BARD1: variants seen among roughly 807,000 people sequenced by gnomAD.
The protein encoded by BARD1 is BRCA1 associated RING domain 1.
Under a neutral mutation model 77.0 loss-of-function variants are expected in BARD1, and 73 were observed. That is an observed-to-expected ratio of 0.95 (90% CI 0.79 to 1.15). The LOEUF is 1.15. BARD1 is among the 50% of genes most tolerant of loss of function. The pLI, the probability that BARD1 is intolerant of heterozygous loss-of-function variation, is 0.00. For synonymous variants in BARD1, 384 were observed against 338.0 expected, an observed-to-expected ratio of 1.14 and a Z score of -1.49; for missense variants, 993 against 938.8, an observed-to-expected ratio of 1.06 and a Z score of -0.75.
At chr2:214,764,717 G>A (rs758220775) in intron 6 of BARD1, among the ~76,000 whole-genome samples, 1 of 152,162 alleles carries the variant, frequency 6.6e-6, no homozygotes, top group Non-Finnish European at 1.5e-5. Context: ...GGCCAGACTC[G>A]TGTTCTTCTG....
chr2:214,739,650 A>T (rs1342822847), intron 9 of BARD1, among the ~76,000 whole-genome samples: 1 of 152,174 alleles, frequency 6.6e-6, no homozygotes, highest in Admixed American at 6.5e-5. Flanking sequence ...AAACTTCCAT[A>T]GCGAAAAGTG....
At chr2:214,784,157 G>C (rs1574826847) in intron 3 of BARD1, among the ~76,000 whole-genome samples, 2 of 152,008 alleles carry the variant, frequency 1.3e-5, no homozygotes, top group East Asian at 3.9e-4. Flanking sequence ...CTAATATCCA[G>C]AATCTACAAA....
chr2:214,749,945 C>CT (rs1019237363), intron 7 of BARD1, among the ~76,000 whole-genome samples: 8 of 151,958 alleles, frequency 5.3e-5, no homozygotes, highest in Non-Finnish European at 1.0e-4. Flanking sequence ...AGGCTGAAGT[C>CT]TAAAGCAGAA....
At position 214,792,543 on chromosome 2, in the gene BARD1, T is replaced by C. The variant is rs1483360931; in HGVS notation, c.216-98A>G. The stretch of plus-strand genomic sequence containing the variant: ...GAACAGAAATAAATGGAGCAGAGGT[T>C]ATTCTAACATACAATGGTCAATTGT... On this transcript the variant is annotated intron_variant, in intron 2 of 10. Coordinates refer to ENST00000260947, the MANE Select transcript of BARD1 (RefSeq NM_000465.4). 4.3e-6 allele frequency: 5 copies of C among 1,169,660 alleles called. No homozygotes were observed. In the Admixed American group the frequency reaches 8.3e-5, roughly 19 times the overall value. The allele number at this position is 1,169,660 out of a possible 1,614,324, so 72.5% of individuals were successfully genotyped here.
intron 6 of BARD1, among the ~76,000 whole-genome samples, chr2:214,752,793 C>G (rs1027450685): frequency 7.2e-5 from 11 of 152,134 alleles, no homozygotes; most frequent in African/African-American, 2.7e-4. Flanking sequence ...TTTTTCACAA[C>G]TGTATTCTGC....
chr2:214,788,208 C>T (rs559468479), intron 3 of BARD1, among the ~76,000 whole-genome samples: 1 of 151,600 alleles, frequency 6.6e-6, no homozygotes, highest in South Asian at 2.1e-4. Context: ...ATGTCACCAA[C>T]ACCGACATGT....
intron 7 of BARD1, among the ~76,000 whole-genome samples, chr2:214,748,978 G>A (rs1693272910): frequency 6.6e-6 from 1 of 152,246 alleles, no homozygotes; most frequent in Non-Finnish European, 1.5e-5. Flanking sequence ...TATTCTAGTT[G>A]AGAGGGGAAA....
chr2:214,761,857 C>G (rs1693980649), intron 6 of BARD1, among the ~76,000 whole-genome samples: 1 of 152,120 alleles, frequency 6.6e-6, no homozygotes, highest in South Asian at 2.1e-4. Flanking sequence ...AGCCAACTAT[C>G]ATCATTATTG....
At chr2:214,797,593 G>A (rs544808472) in intron 1 of BARD1, among the ~76,000 whole-genome samples, 51 of 152,058 alleles carry the variant, frequency 3.4e-4, no homozygotes, top group Admixed American at 2.9e-3. Flanking sequence ...TAGGATGCTG[G>A]GACAACAGGA....
At chr2:214,798,929 C>T (rs1695885874) in intron 1 of BARD1, among the ~76,000 whole-genome samples, 1 of 152,020 alleles carries the variant, frequency 6.6e-6, no homozygotes, top group African/African-American at 2.4e-5. Flanking sequence ...CTGGCCTGGG[C>T]AACATGGTGA....
Position 214,767,509 on chromosome 2 carries a change from A to T in BARD1, c.1541T>A (p.Leu514His). The T allele has an allele frequency of 6.2e-7, 1 of 1,613,922 alleles. No homozygotes were observed. Among genetic ancestry groups the T allele is most frequent in the Non-Finnish European group, 8.5e-7 (1 of 1,179,808 alleles). ...NGHVDIVKLL[L>H]SYGASRNAVN... is the part of the protein sequence containing the mutation. Reference sequence around the variant, plus strand: ...AGCATTTCTGGAGGCTCCATAGGAAAGTAACAGCTTGACTATATCCACATG... The same window carrying T: ...AGCATTTCTGGAGGCTCCATAGGAATGTAACAGCTTGACTATATCCACATG... Residue 514 changes from leucine (L) to histidine (H), a missense_variant, in exon 6 of 11, where the codon CTT becomes CAT. By Grantham distance (99) the Leu-to-His change is moderately conservative. Coordinates refer to ENST00000260947, the MANE Select transcript of BARD1 (RefSeq NM_000465.4).
intron 4 of BARD1, among the ~76,000 whole-genome samples, chr2:214,770,300 TGTAGCCTTACAA>T (rs2106084023): frequency 6.6e-6 from 1 of 152,364 alleles, no homozygotes; most frequent in African/African-American, 2.4e-5. Flanking sequence ...GCTTCTGTAA[TGTAGCCTTACAA>T]GTCTTTTCTA....
chr2:214,798,943 C>A (rs960301363), intron 1 of BARD1, among the ~76,000 whole-genome samples: 2 of 151,828 alleles, frequency 1.3e-5, no homozygotes, highest in Admixed American at 6.6e-5. Flanking sequence ...ATGGTGAAAC[C>A]CTGTCTCTAC....
intron 6 of BARD1, among the ~76,000 whole-genome samples, chr2:214,754,806 C>A (rs984032067): frequency 6.6e-6 from 1 of 152,146 alleles, no homozygotes; most frequent in Admixed American, 6.5e-5. Flanking sequence ...AACTGAATGG[C>A]ACATTACAAG....
At chr2:214,736,850 G>C (rs1439387452) in intron 9 of BARD1, among the ~76,000 whole-genome samples, 4 of 152,062 alleles carry the variant, frequency 2.6e-5, no homozygotes, top group African/African-American at 9.7e-5. Context: ...CAAATCCAAT[G>C]CTCTAGTTAC....
intron 3 of BARD1, among the ~76,000 whole-genome samples, chr2:214,783,239 T>C (rs1270293477): frequency 6.6e-6 from 1 of 152,124 alleles, no homozygotes; most frequent in Non-Finnish European, 1.5e-5. Context: ...CCCATGCAGC[T>C]CAAGCCTATG....
chr2:214,777,326 T>C (rs2106100218), intron 4 of BARD1, among the ~76,000 whole-genome samples: 1 of 152,172 alleles, frequency 6.6e-6, no homozygotes, highest in South Asian at 2.1e-4. Flanking sequence ...GGGCAAGGTA[T>C]TATACGATGT....
Position 214,805,470 on chromosome 2 carries a change from C to G in BARD1, c.158+3942G>C, listed in dbSNP as rs144743868. Among the ~76,000 whole-genome samples the G allele has an allele frequency of 4.3e-3, 653 of 152,290 alleles. 1 individual carries two copies. The highest frequency in any genetic ancestry group is 6.7e-3 in the Non-Finnish European group (457 of 68,026). On this transcript the variant is annotated intron_variant, in intron 1 of 10. Transcript: ENST00000260947. ...AGAATGCCTCTGAACATTCAAAACT[C>G]ATGAAGAAAGGCAAAAGCTGAACCC...
chr2:214,788,119 C>T (rs1019547158), intron 3 of BARD1, among the ~76,000 whole-genome samples: 2 of 151,742 alleles, frequency 1.3e-5, no homozygotes, highest in South Asian at 4.2e-4. Flanking sequence ...TACAGAAAGA[C>T]GAGCATCTCT....
Sources: allele counts gnomAD v4.1 joint callset (sites outside exome capture counted in the v4.1 genomes callset), GRCh38; gene constraint gnomAD v4.1.1; transcripts MANE v1.5; gene names NCBI Gene and HGNC (gene_info 2026-07-23, HGNC 2026-07-21).